LTBP1: variants seen among roughly 807,000 people sequenced by gnomAD.
The protein encoded by LTBP1 is latent-transforming growth factor beta-binding protein 1.
In LTBP1, 129 loss-of-function variants were observed where a neutral mutation model predicts 207.6. The observed-to-expected ratio is 0.62, with a 90% CI of 0.54 to 0.72. The LOEUF (loss-of-function observed/expected upper bound fraction) is 0.72, where lower values mean the gene tolerates loss of function less well. LTBP1 is among the 30% of genes least tolerant of loss of function. The pLI is 0.00. For synonymous variants in LTBP1, 963 were observed against 833.7 expected, an observed-to-expected ratio of 1.16 and a Z score of -2.67; for missense variants, 2,281 against 2,217.2, an observed-to-expected ratio of 1.03 and a Z score of -0.58.
At chr2:33,027,791 C>T (rs1328575297) in intron 3 of LTBP1, among the ~76,000 whole-genome samples, 4 of 152,052 alleles carry the variant, frequency 2.6e-5, no homozygotes, top group Admixed American at 6.6e-5. Context: ...GAGCTGAGAT[C>T]GCACCACTGC....
At chr2:33,275,395 C>G (rs1340136715) in intron 17 of LTBP1, among the ~76,000 whole-genome samples, 1 of 152,114 alleles carries the variant, frequency 6.6e-6, no homozygotes, top group Non-Finnish European at 1.5e-5. Flanking sequence ...AAGTAGAAAT[C>G]AGTTACTGGC....
intron 10 of LTBP1, among the ~76,000 whole-genome samples, chr2:33,245,757 A>G: frequency 6.6e-6 from 1 of 152,342 alleles, no homozygotes; most frequent in East Asian, 1.9e-4. Context: ...TATAATTTAA[A>G]TGTAAAGATT....
chr2:33,329,873 C>T (rs546435326), intron 24 of LTBP1, among the ~76,000 whole-genome samples: 1 of 151,972 alleles, frequency 6.6e-6, no homozygotes, highest in South Asian at 2.1e-4. Context: ...TGGCCCTTTG[C>T]ATTTCTATAT....
intron 12 of LTBP1, among the ~76,000 whole-genome samples, chr2:33,258,260 C>T (rs1164022780): frequency 1.3e-5 from 2 of 152,194 alleles, no homozygotes; most frequent in Non-Finnish European, 2.9e-5. Flanking sequence ...AAGATGTTCA[C>T]CTCAGAAGGA....
At chr2:33,357,823 A>G (rs543636679) in intron 26 of LTBP1, among the ~76,000 whole-genome samples, 1 of 152,310 alleles carries the variant, frequency 6.6e-6, no homozygotes, top group Admixed American at 6.5e-5. Flanking sequence ...CTTACTCAAA[A>G]TATCTTTAAG....
At chr2:33,347,613 A>G (rs1408692932) in intron 26 of LTBP1, 103 bp downstream of exon 26, 1 of 1,376,160 alleles carries the variant, frequency 7.3e-7, no homozygotes, top group Non-Finnish European at 1.0e-6. Flanking sequence ...AGAAGCAGCC[A>G]GATGTCCTGA....
chr2:33,351,159 G>A (rs986537875), intron 26 of LTBP1, among the ~76,000 whole-genome samples: 6 of 152,024 alleles, frequency 3.9e-5, no homozygotes, highest in African/African-American at 7.3e-5. Context: ...AATACAGTTC[G>A]CTAATACATC....
chr2:33,123,709 C>T (rs959349598), intron 4 of LTBP1, among the ~76,000 whole-genome samples: 2 of 152,182 alleles, frequency 1.3e-5, no homozygotes, highest in African/African-American at 4.8e-5. Context: ...TGGACATAGG[C>T]TTCTTTGTCC....
chr2:33,365,452 T>A lies in LTBP1; in HGVS notation c.4660T>A (p.Tyr1554Asn), dbSNP rs1015918477. Residue 1554 changes from tyrosine to asparagine, a missense_variant, in exon 31 of 34, where the codon TAT becomes AAT. By Grantham distance (143) the Tyr-to-Asn change is moderately radical. Coordinates refer to ENST00000404816, the MANE Select transcript of LTBP1 (RefSeq NM_206943.4). ...QTTYTECCCL[Y>N]GEAWGMQCAL... is the part of the protein sequence containing the mutation. Reference sequence around the variant, plus strand: ...AACGTACACTGAGTGCTGCTGTCTGTATGGAGAGGCCTGGGGCATGCAGTG... The same window carrying A: ...AACGTACACTGAGTGCTGCTGTCTGAATGGAGAGGCCTGGGGCATGCAGTG... The A allele has an allele frequency of 2.5e-6, 4 of 1,614,036 alleles. No homozygotes were observed. Among genetic ancestry groups the A allele is most frequent in the Non-Finnish European group, 3.4e-6 (4 of 1,180,028 alleles).
At chr2:33,300,609 G>A in intron 21 of LTBP1, 36 bp downstream of exon 21, 1 of 1,591,822 alleles carries the variant, frequency 6.3e-7, no homozygotes, top group Non-Finnish European at 8.6e-7. Flanking sequence ...TGAAACTTCA[G>A]CTTAAAGCAC....
chr2:33,120,524 C>T (rs145659606), intron 4 of LTBP1, among the ~76,000 whole-genome samples: 5,720 of 152,212 alleles, frequency 0.038, 154 homozygotes, highest in East Asian at 0.073. Context: ...TGATCTCATT[C>T]TTTTTTATGG....
intron 7 of LTBP1, among the ~76,000 whole-genome samples, chr2:33,191,299 T>A (rs977492938): frequency 6.6e-6 from 1 of 152,238 alleles, no homozygotes; most frequent in Non-Finnish European, 1.5e-5. Flanking sequence ...ATTGGCTAAT[T>A]GATGGAGTTA....
intron 16 of LTBP1, among the ~76,000 whole-genome samples, chr2:33,274,338 CTTTT>C (rs71912114): frequency 2.0e-5 from 3 of 146,896 alleles, no homozygotes; most frequent in African/African-American, 7.5e-5. Context: ...TTTAATTTCT[CTTTT>C]TTTTTTTAAG....
chr2:33,356,131 C>G (rs1197603182), intron 26 of LTBP1, among the ~76,000 whole-genome samples: 3 of 151,574 alleles, frequency 2.0e-5, no homozygotes, highest in Non-Finnish European at 2.9e-5. Context: ...GATGGTAGCT[C>G]AGTCTCAGAT....
chr2:33,284,411 C>A (rs1043152775), intron 19 of LTBP1, among the ~76,000 whole-genome samples: 1 of 152,146 alleles, frequency 6.6e-6, no homozygotes, highest in African/African-American at 2.4e-5. Context: ...CTTCTGTTAA[C>A]GTAGCTTCTT....
chr2:33,251,774 TG>T (rs1396687756), intron 10 of LTBP1, among the ~76,000 whole-genome samples: 1 of 151,548 alleles, frequency 6.6e-6, no homozygotes, highest in Non-Finnish European at 1.5e-5. Flanking sequence ...TGGTTGGGTT[TG>T]GGGAATGGGC....
chr2:32,949,152 C>T (rs538297237), intron 2 of LTBP1, among the ~76,000 whole-genome samples: 20 of 152,298 alleles, frequency 1.3e-4, no homozygotes, highest in Admixed American at 1.0e-3. Flanking sequence ...TGTACAGAAC[C>T]GTGCTGTGCA....
intron 30 of LTBP1, among the ~76,000 whole-genome samples, chr2:33,365,060 C>A (rs1485623501): frequency 1.3e-5 from 2 of 152,110 alleles, no homozygotes; most frequent in African/African-American, 4.8e-5. Flanking sequence ...GAAGGACAAG[C>A]AAGATAGTGG....
chr2:33,162,779 A>G (rs1334059517), intron 5 of LTBP1, among the ~76,000 whole-genome samples: 1 of 152,224 alleles, frequency 6.6e-6, no homozygotes, highest in African/African-American at 2.4e-5. Flanking sequence ...GGGAATAAAC[A>G]ATATAAGTGA....
Sources: gnomAD v4.1 joint callset for allele counts (sites outside exome capture counted in the v4.1 genomes callset) on GRCh38, gnomAD v4.1.1 for gene constraint, MANE v1.5 for transcripts, NCBI Gene and HGNC (gene_info 2026-07-23, HGNC 2026-07-21) for gene names.